KHDRBS3: variants seen among roughly 807,000 people sequenced by gnomAD.
KHDRBS3 encodes the protein KH RNA binding domain containing, signal transduction associated 3.
A neutral mutation model predicts 45.6 loss-of-function variants in KHDRBS3; 23 were observed. The ratio of observed to expected loss-of-function variants is 0.50; its 90% CI spans 0.36 to 0.72. KHDRBS3 has a LOEUF of 0.72. Among genes scored for constraint, KHDRBS3 ranks in the 30% least tolerant of loss-of-function variants. The pLI, the probability that KHDRBS3 is intolerant of heterozygous loss-of-function variation, is 0.00. For synonymous variants in KHDRBS3, 162 were observed against 156.5 expected, an observed-to-expected ratio of 1.04 and a Z score of -0.26; for missense variants, 352 against 424.8, an observed-to-expected ratio of 0.83 and a Z score of 1.51.
intron 5 of KHDRBS3, among the ~76,000 whole-genome samples, chr8:135,574,372 G>A (rs73712073): frequency 0.019 from 2,836 of 152,132 alleles, 84 homozygotes; most frequent in African/African-American, 0.063. Flanking sequence ...ATAGATAAGC[G>A]TCCAGAACAA....
Position 135,525,186 on chromosome 8 carries a change from A to G in KHDRBS3, c.207+3831A>G, listed in dbSNP as rs146067325. On this transcript the variant is annotated intron_variant, in intron 2 of 8. Transcript: ENST00000355849. ...TTTTGATATTTTTGTTTTAGCAGCT[A>G]ATTAACTTGGTTGGATTCAGGGTAT... Among the ~76,000 whole-genome samples the G allele has an allele frequency of 1.5e-4, 23 of 152,276 alleles. No homozygotes were observed. In the East Asian group the frequency reaches 3.7e-3, roughly 24 times the overall value.
intron 3 of KHDRBS3, among the ~76,000 whole-genome samples, chr8:135,547,042 A>T (rs1826341069): frequency 6.6e-6 from 1 of 152,146 alleles, no homozygotes; most frequent in Non-Finnish European, 1.5e-5. Context: ...TGTTTCAATA[A>T]TTTGTGCTTT....
chr8:135,598,834 G>A (rs936846155), intron 6 of KHDRBS3, among the ~76,000 whole-genome samples: 1 of 152,142 alleles, frequency 6.6e-6, no homozygotes, highest in Non-Finnish European at 1.5e-5. Flanking sequence ...CGTTTTATAT[G>A]AAAACTTTTT....
At position 135,647,243 on chromosome 8, in the gene KHDRBS3, C is replaced by CACA; in HGVS notation, c.*160_*161insCAA. 5.7e-5 allele frequency: 8 copies of CACA among 139,162 alleles called. No homozygotes were observed. Among genetic ancestry groups the CACA allele is most frequent in the East Asian group, 1.6e-4 (2 of 12,256 alleles). 8.6% of individuals were successfully genotyped at this position (139,162 alleles called of 1,614,324 possible). A position where few individuals can be genotyped will look rare whatever the true frequency, so the allele number is the denominator to read the frequency against. On this transcript the variant is annotated 3_prime_UTR_variant, in exon 9 of 9. Coordinates refer to ENST00000355849, the MANE Select transcript of KHDRBS3 (RefSeq NM_006558.3). ...TACTTTGTTGAAACATCAACCTGGG[C>CACA]AGAAAAAAAAAAAAAAAGACATGTA...
intron 6 of KHDRBS3, among the ~76,000 whole-genome samples, chr8:135,593,140 T>C (rs1194746266): frequency 6.6e-6 from 1 of 152,206 alleles, no homozygotes; most frequent in African/African-American, 2.4e-5. Flanking sequence ...TAAATTTATG[T>C]CTTGCTTTGA....
chr8:135,535,878 T>C (rs1415949034), intron 2 of KHDRBS3, among the ~76,000 whole-genome samples: 1 of 152,184 alleles, frequency 6.6e-6, no homozygotes, highest in South Asian at 2.1e-4. Context: ...TAAACACCGA[T>C]TCCTCCTGAA....
chr8:135,627,903 G>GA (rs1830443363), intron 7 of KHDRBS3, among the ~76,000 whole-genome samples: 1 of 151,072 alleles, frequency 6.6e-6, no homozygotes. Flanking sequence ...GTGAAAAACA[G>GA]GTGGTGTTGA....
intron 2 of KHDRBS3, among the ~76,000 whole-genome samples, chr8:135,522,662 G>A (rs144387191): frequency 1.3e-3 from 192 of 152,164 alleles, no homozygotes; most frequent in Non-Finnish European, 2.3e-3. Context: ...TGATCATTTT[G>A]TGCAATTTTT....
chr8:135,539,074 T>G (rs1011881454), intron 2 of KHDRBS3: 2 of 152,218 alleles, frequency 1.3e-5, no homozygotes, highest in Non-Finnish European at 2.9e-5. Flanking sequence ...CTAGCAGTAT[T>G]TTTTACCTGG....
At chr8:135,611,880 C>A (rs1829721737) in intron 7 of KHDRBS3, among the ~76,000 whole-genome samples, 2 of 151,736 alleles carry the variant, frequency 1.3e-5, no homozygotes. Context: ...GAATTAGGAA[C>A]CTGATATGAA....
intron 7 of KHDRBS3, among the ~76,000 whole-genome samples, chr8:135,640,881 G>C (rs748667728): frequency 6.6e-6 from 1 of 152,032 alleles, no homozygotes; most frequent in Non-Finnish European, 1.5e-5. Context: ...TTAGTTTATC[G>C]CTGGGAAATA....
intron 5 of KHDRBS3, among the ~76,000 whole-genome samples, chr8:135,575,162 C>G (rs1827892516): frequency 6.6e-6 from 1 of 152,148 alleles, no homozygotes; most frequent in South Asian, 2.1e-4. Flanking sequence ...TGAGGGTGAG[C>G]TGACGAAAAA....
At chr8:135,504,981 G>A (rs1242763473) in intron 1 of KHDRBS3, among the ~76,000 whole-genome samples, 3 of 152,146 alleles carry the variant, frequency 2.0e-5, no homozygotes, top group Non-Finnish European at 2.9e-5. Flanking sequence ...TCAAGATGTA[G>A]TCGAGACCAA....
At chr8:135,561,415 G>A (rs75387014) in intron 5 of KHDRBS3, among the ~76,000 whole-genome samples, 12,709 of 152,082 alleles carry the variant, frequency 0.084, 642 homozygotes, top group East Asian at 0.18. Flanking sequence ...TAGATTCTTT[G>A]CCGAAAGTCA....
intron 7 of KHDRBS3, among the ~76,000 whole-genome samples, chr8:135,622,120 A>G (rs1830171055): frequency 6.6e-6 from 1 of 152,144 alleles, no homozygotes; most frequent in Non-Finnish European, 1.5e-5. Context: ...CATAACTGCA[A>G]TTTTATATTG....
chr8:135,508,229 G>GT (rs775547391), intron 1 of KHDRBS3, among the ~76,000 whole-genome samples: 1 of 152,044 alleles, frequency 6.6e-6, no homozygotes, highest in Non-Finnish European at 1.5e-5. Context: ...GAAAATATTC[G>GT]TTTTTTGTTC....
intron 1 of KHDRBS3, chr8:135,458,500 T>C (rs1821241597): frequency 4.0e-6 from 1 of 250,654 alleles, no homozygotes; most frequent in Non-Finnish European, 7.9e-6. Flanking sequence ...AGGAGCTCCG[T>C]GGTCCCAGGG....
chr8:135,477,998 C>T (rs1044869477), intron 1 of KHDRBS3, among the ~76,000 whole-genome samples: 8 of 152,238 alleles, frequency 5.3e-5, no homozygotes, highest in Admixed American at 2.6e-4. Context: ...TCAGCACCAC[C>T]GGCATTAGAG....
intron 6 of KHDRBS3, among the ~76,000 whole-genome samples, chr8:135,604,204 A>C (rs1441221646): frequency 1.3e-5 from 2 of 151,594 alleles, no homozygotes; most frequent in African/African-American, 4.8e-5. Flanking sequence ...TTTTGTCTTA[A>C]AGTCTCTTTT....
Sources: gnomAD v4.1 joint callset for allele counts (sites outside exome capture counted in the v4.1 genomes callset) on GRCh38, gnomAD v4.1.1 for gene constraint, MANE v1.5 for transcripts, NCBI Gene and HGNC (gene_info 2026-07-23, HGNC 2026-07-21) for gene names.